Variants in GRM8 observed in about 807,000 individuals in gnomAD.
The protein encoded by GRM8 is metabotropic glutamate receptor 8.
A neutral mutation model predicts 87.2 loss-of-function variants in GRM8; 47 were observed. That is an observed-to-expected ratio of 0.54 (90% confidence interval 0.43 to 0.69). GRM8 has a LOEUF of 0.69. Among genes scored for constraint, GRM8 ranks in the 30% least tolerant of loss-of-function variants. The probability of loss-of-function intolerance (pLI) is 0.00; values close to 1 mark genes in which losing one functional copy is unlikely to be tolerated. For missense variants in GRM8, 1,019 were observed against 1,139.2 expected, an observed-to-expected ratio of 0.89 and a Z score of 1.52; for synonymous variants, 396 against 404.5, an observed-to-expected ratio of 0.98 and a Z score of 0.25.
intron 7 of GRM8, among the ~76,000 whole-genome samples, chr7:126,617,950 C>T (rs1585241188): frequency 6.6e-6 from 1 of 152,238 alleles, no homozygotes; most frequent in East Asian, 1.9e-4. Flanking sequence ...GCCATACTGC[C>T]CAAGGTAATT....
At chr7:126,652,330 G>A (rs1211028549) in intron 7 of GRM8, among the ~76,000 whole-genome samples, 1 of 152,134 alleles carries the variant, frequency 6.6e-6, no homozygotes, top group Non-Finnish European at 1.5e-5. Context: ...TGTGATCTCA[G>A]ATGCGTATGG....
chr7:126,626,972 T>C (rs1800769879), intron 7 of GRM8, among the ~76,000 whole-genome samples: 1 of 152,238 alleles, frequency 6.6e-6, no homozygotes, highest in South Asian at 2.1e-4. Flanking sequence ...TTAATATCTT[T>C]ATATTGTCTT....
chr7:127,148,096 G>C (rs1036591498), intron 2 of GRM8, among the ~76,000 whole-genome samples: 1 of 152,026 alleles, frequency 6.6e-6, no homozygotes, highest in Non-Finnish European at 1.5e-5. Flanking sequence ...TTGTAGACAT[G>C]ATAAAGTTTG....
Position 126,931,354 on chromosome 7 carries a change from C to G in GRM8, c.728-26671G>C, listed in dbSNP as rs1805750123. ...TGTGAAAAATGGTAATCTCTAGGGG[C>G]TTATGCATTAATCCTTACCTGAGGC... On this transcript the variant is annotated intron_variant, in intron 3 of 10. Transcript: ENST00000339582. Among the ~76,000 whole-genome samples the G allele has an allele frequency of 3.3e-5, 5 of 152,250 alleles. No individual in the cohort carries two copies. The South Asian group carries it at 1.0e-3, about 32-fold the overall frequency.
intron 2 of GRM8, among the ~76,000 whole-genome samples, chr7:127,236,535 TCTCGTGAGAA>T (rs1797992155): frequency 6.6e-6 from 1 of 152,000 alleles, no homozygotes; most frequent in Non-Finnish European, 1.5e-5. Context: ...AACCATCAGA[TCTCGTGAGAA>T]CTCACTCACT....
At chr7:127,153,038 T>C (rs1245517885) in intron 2 of GRM8, among the ~76,000 whole-genome samples, 1 of 152,084 alleles carries the variant, frequency 6.6e-6, no homozygotes, top group Non-Finnish European at 1.5e-5. Flanking sequence ...AATATCAGGG[T>C]ACATTAGTCA....
At chr7:127,190,940 C>T (rs1794997320) in intron 2 of GRM8, among the ~76,000 whole-genome samples, 1 of 152,038 alleles carries the variant, frequency 6.6e-6, no homozygotes, top group African/African-American at 2.4e-5. Context: ...CTTTTATGAG[C>T]TACTAAAAGC....
At chr7:126,900,601 C>G (rs1801980145) in intron 6 of GRM8, among the ~76,000 whole-genome samples, 1 of 152,216 alleles carries the variant, frequency 6.6e-6, no homozygotes, top group Admixed American at 6.5e-5. Flanking sequence ...CCTCCACCTC[C>G]CGGGTTCAAG....
At chr7:127,028,293 T>C (rs1046674707) in intron 3 of GRM8, among the ~76,000 whole-genome samples, 2 of 152,190 alleles carry the variant, frequency 1.3e-5, no homozygotes, top group South Asian at 2.1e-4. Flanking sequence ...CCTAAAATCC[T>C]CTTTTTTTGT....
At chr7:126,813,791 A>G (rs1793517826) in intron 6 of GRM8, among the ~76,000 whole-genome samples, 1 of 152,088 alleles carries the variant, frequency 6.6e-6, no homozygotes, top group Non-Finnish European at 1.5e-5. Flanking sequence ...AATCAGTACA[A>G]AGCTCCTTGA....
At chr7:126,846,051 A>C (rs1485522307) in intron 6 of GRM8, among the ~76,000 whole-genome samples, 3 of 152,010 alleles carry the variant, frequency 2.0e-5, no homozygotes, top group Non-Finnish European at 4.4e-5. Flanking sequence ...ATAATAGTAT[A>C]AAATATATCT....
intron 9 of GRM8, among the ~76,000 whole-genome samples, chr7:126,503,304 T>C (rs185312127): frequency 1.3e-5 from 2 of 151,924 alleles, no homozygotes; most frequent in East Asian, 1.9e-4. Flanking sequence ...TGAATATGAG[T>C]TGTATCTCTG....
At chr7:126,615,684 A>G (rs1563015963) in intron 7 of GRM8, among the ~76,000 whole-genome samples, 2 of 152,200 alleles carry the variant, frequency 1.3e-5, no homozygotes, top group Admixed American at 6.5e-5. Flanking sequence ...AGGAAGATCT[A>G]CCAAGCAAAT....
intron 8 of GRM8, among the ~76,000 whole-genome samples, chr7:126,551,896 G>T (rs1205240648): frequency 1.3e-5 from 2 of 151,836 alleles, no homozygotes; most frequent in South Asian, 2.1e-4. Context: ...ACTTCTCACA[G>T]GTTACAAAGC....
At chr7:127,067,769 T>C (rs990884663) in intron 3 of GRM8, among the ~76,000 whole-genome samples, 2 of 152,210 alleles carry the variant, frequency 1.3e-5, no homozygotes, top group Non-Finnish European at 2.9e-5. Context: ...TTTAGAATAG[T>C]ATGTCAGGTT....
chr7:126,856,990 T>C (rs1348098806), intron 6 of GRM8, among the ~76,000 whole-genome samples: 1 of 152,232 alleles, frequency 6.6e-6, no homozygotes, highest in Non-Finnish European at 1.5e-5. Context: ...GCAAAGGTCT[T>C]AATGATAAAG....
chr7:127,090,289 T>C (rs1412827075), intron 3 of GRM8, among the ~76,000 whole-genome samples: 1 of 152,196 alleles, frequency 6.6e-6, no homozygotes, highest in Admixed American at 6.5e-5. Flanking sequence ...ACCTAACAAG[T>C]TCTTGGAACT....
rs141984002 is a variant in GRM8 at position 127,101,204 on chromosome 7, C to T, written c.727+5292G>A. 2.8e-3 allele frequency among the ~76,000 whole-genome samples: 426 copies of T among 152,298 alleles called. 4 individuals carry two copies. Among genetic ancestry groups the T allele is most frequent in the African/African-American group, 9.9e-3 (411 of 41,554 alleles). ...CACAAATGACCCCCAAGTCTATCTC[C>T]TCTTCCATTTATATTATCACTGCCC... On this transcript the variant is annotated intron_variant, in intron 3 of 10. Coordinates refer to ENST00000339582, the MANE Select transcript of GRM8 (RefSeq NM_000845.3).
intron 7 of GRM8, among the ~76,000 whole-genome samples, chr7:126,711,057 C>T (rs1051184527): frequency 6.6e-6 from 1 of 152,180 alleles, no homozygotes; most frequent in African/African-American, 2.4e-5. Context: ...TACCTGCAAT[C>T]CCAGCTACTC....
Sources: gnomAD v4.1 joint callset for allele counts (sites outside exome capture counted in the v4.1 genomes callset) on GRCh38, gnomAD v4.1.1 for gene constraint, MANE v1.5 for transcripts, NCBI Gene and HGNC (gene_info 2026-07-23, HGNC 2026-07-21) for gene names.